The following ANKRD28 variants were observed in gnomAD, a reference collection of about 807,000 sequenced individuals.
The protein encoded by ANKRD28 is ankyrin repeat domain 28, also known as serine/threonine-protein phosphatase 6 regulatory ankyrin repeat subunit A.
Under a neutral mutation model 126.5 loss-of-function variants are expected in ANKRD28, and 44 were observed. The observed-to-expected ratio is 0.35, with a 90% CI of 0.27 to 0.45. The LOEUF (loss-of-function observed/expected upper bound fraction) is 0.45. Ranked by LOEUF, ANKRD28 falls within the 20% of genes least tolerant of loss-of-function variation. The pLI is 1.00. For synonymous variants in ANKRD28, 442 were observed against 468.5 expected (o/e 0.94, Z 0.73); for missense variants, 1,110 against 1,316.6 (o/e 0.84, Z 2.43).
Position 15,846,745 on chromosome 3 carries a change from G to A in ANKRD28, c.27+12632C>T, listed in dbSNP as rs1406200680. ...ATGATCAGCTGGGTGTGCCTGAGGA[G>A]GCTGGAGACAACCCAGGCTGAAAGA... is the stretch of plus-strand genomic sequence containing the variant. On this transcript the variant is annotated intron_variant, in intron 1 of 27. Transcript: ENST00000399451. The surrounding 1 kb of genome is among the most constrained non-coding windows in gnomAD (Gnocchi z 5.4). Among the ~76,000 whole-genome samples the A allele has an allele frequency of 6.6e-6, 1 of 152,198 alleles. No homozygotes were observed. Among genetic ancestry groups the A allele is most frequent in the East Asian group, 1.9e-4 (1 of 5,202 alleles).
At chr3:15,753,253 A>G (rs192071032) in intron 3 of ANKRD28, among the ~76,000 whole-genome samples, 6 of 152,366 alleles carry the variant, frequency 3.9e-5, no homozygotes, top group African/African-American at 1.4e-4. Context: ...GTGGAACCCT[A>G]GATGGTTAAA....
At chr3:15,758,758 T>A (rs957266114) in intron 3 of ANKRD28, among the ~76,000 whole-genome samples, 1 of 152,112 alleles carries the variant, frequency 6.6e-6, no homozygotes, top group Non-Finnish European at 1.5e-5. Context: ...AGCCGCCCAG[T>A]TTGTAGTACT....
At chr3:15,784,911 T>C (rs538670432) in intron 2 of ANKRD28, among the ~76,000 whole-genome samples, 1 of 152,150 alleles carries the variant, frequency 6.6e-6, no homozygotes, top group South Asian at 2.1e-4. Flanking sequence ...ATATAACTAT[T>C]TTGGAACTCT....
intron 2 of ANKRD28, among the ~76,000 whole-genome samples, chr3:15,779,642 G>T (rs1033803523): frequency 2.0e-5 from 3 of 152,146 alleles, no homozygotes; most frequent in Non-Finnish European, 4.4e-5. Flanking sequence ...TAACGGAGTT[G>T]ATTTAACTAC....
At chr3:15,710,047 T>TC (rs2072022776) in intron 12 of ANKRD28, among the ~76,000 whole-genome samples, 1 of 151,618 alleles carries the variant, frequency 6.6e-6, no homozygotes, top group South Asian at 2.1e-4. Flanking sequence ...TTTTTTTTTT[T>TC]TTCTTGAAAC....
chr3:15,691,313 C>T (rs191425621), intron 17 of ANKRD28, among the ~76,000 whole-genome samples: 8 of 152,018 alleles, frequency 5.3e-5, no homozygotes, highest in South Asian at 2.1e-4. Context: ...TTAGTAGAAA[C>T]GGGGTTTCAC....
chr3:15,751,851 T>C, intron 3 of ANKRD28, 31 bp from the exon 4 acceptor site: 2 of 1,370,034 alleles, frequency 1.5e-6, no homozygotes, highest in Non-Finnish European at 2.0e-6. Context: ...TAAATTGAAA[T>C]ATTGTACATA....
rs2060726409 is a variant in ANKRD28, at chr3:15,812,134, C to A, written c.28-16828G>T. Among the ~76,000 whole-genome samples, 1 of 151,534 alleles carries A rather than the reference C, an allele frequency of 6.6e-6. No individual in the cohort carries two copies. The highest frequency in any genetic ancestry group is 2.4e-5 in the African/African-American group (1 of 41,306). The stretch of plus-strand genomic sequence containing the variant: ...AGGCACTGCACTCCAGCCTGGGCAA[C>A]AGAGTGAGACTCTGGCAAACAAAAC... On this transcript the variant is annotated intron_variant, in intron 1 of 27. Coordinates refer to the ANKRD28 transcript ENST00000399451. This position sits in a 1 kb window ranked among gnomAD's most constrained non-coding sequence, Gnocchi z 4.1.
intron 1 of ANKRD28, among the ~76,000 whole-genome samples, chr3:15,826,741 T>C (rs1429392460): frequency 6.6e-6 from 1 of 152,170 alleles, no homozygotes; most frequent in Non-Finnish European, 1.5e-5. Context: ...GGTCTGAGTG[T>C]AGAAGATGAA....
intron 5 of ANKRD28, among the ~76,000 whole-genome samples, chr3:15,736,511 G>A (rs1221005295): frequency 6.6e-6 from 1 of 152,140 alleles, no homozygotes; most frequent in Non-Finnish European, 1.5e-5. Context: ...GGCTTCAAAG[G>A]TTCTTCTGTT....
chr3:15,786,788 T>C (rs1403685914), intron 2 of ANKRD28, among the ~76,000 whole-genome samples: 1 of 152,122 alleles, frequency 6.6e-6, no homozygotes, highest in Non-Finnish European at 1.5e-5. Flanking sequence ...GCATTACTTC[T>C]GAGTATGCAA....
Position 15,796,584 on chromosome 3 carries a change from G to A in ANKRD28, c.-63C>T. 1.6e-6 allele frequency: 2 copies of A among 1,216,624 alleles called. No individual in the cohort carries two copies. The highest frequency in any genetic ancestry group is 2.1e-6 in the Non-Finnish European group (2 of 947,660). The allele number at this position is 1,216,624 out of a possible 1,614,324, so 75.4% of individuals were successfully genotyped here. A position where few individuals can be genotyped will look rare whatever the true frequency, so the allele number is the denominator to read the frequency against. On this transcript the variant is annotated 5_prime_UTR_variant, in exon 1 of 28. Transcript: ENST00000683139. ...AAAAGTCACAGTTGGAAGAGCACAAGTAGTTTTTCCTCCTCTTCTGTACAA... is the reference window on the plus strand; with the variant it reads ...AAAAGTCACAGTTGGAAGAGCACAAATAGTTTTTCCTCCTCTTCTGTACAA...
intron 17 of ANKRD28, among the ~76,000 whole-genome samples, chr3:15,690,568 TTTTTG>T (rs2068654609): frequency 6.6e-6 from 1 of 152,166 alleles, no homozygotes; most frequent in Non-Finnish European, 1.5e-5. Flanking sequence ...GCCTGTGTTT[TTTTTG>T]TTTTGTTTTG....
At chr3:15,685,127 T>G in intron 21 of ANKRD28, 99 bp downstream of exon 21, 1 of 1,255,052 alleles carries the variant, frequency 8.0e-7, no homozygotes, top group Non-Finnish European at 1.1e-6. Flanking sequence ...ATTCCCAAGG[T>G]TTTTGCTAAT....
chr3:15,750,606 T>C (rs1228194983), intron 4 of ANKRD28, among the ~76,000 whole-genome samples: 1 of 152,226 alleles, frequency 6.6e-6, no homozygotes, highest in Non-Finnish European at 1.5e-5. Flanking sequence ...TTGCCTCTGT[T>C]AATTACAGGG....
rs1348784016 is a variant in ANKRD28 at position 15,833,554 on chromosome 3, A to G, written c.27+25823T>C. Among the ~76,000 whole-genome samples the G allele has an allele frequency of 8.0e-5, 12 of 149,438 alleles. No individual in the cohort carries two copies. In the South Asian group the frequency reaches 2.5e-3, roughly 31 times the overall value. ...TATATACATTATTTTTTATATATAT[A>G]ATGTGTGTGTGTATATATATATCTC... On this transcript the variant is annotated intron_variant, in intron 1 of 27. Coordinates refer to the ANKRD28 transcript ENST00000399451. This position sits in a 1 kb window ranked among gnomAD's most constrained non-coding sequence, Gnocchi z 4.4.
intron 2 of ANKRD28, among the ~76,000 whole-genome samples, chr3:15,776,903 A>G (rs776273279): frequency 1.1e-4 from 17 of 152,222 alleles, no homozygotes; most frequent in South Asian, 2.1e-4. Flanking sequence ...CTCTGAAATG[A>G]TATTTCCAGC....
At chr3:15,716,643 A>G (rs1347621790) in intron 8 of ANKRD28, among the ~76,000 whole-genome samples, 1 of 152,108 alleles carries the variant, frequency 6.6e-6, no homozygotes, top group Non-Finnish European at 1.5e-5. Flanking sequence ...TAAGAAGGAT[A>G]AGAAAAACAA....
At chr3:15,744,653 C>T (rs191154587) in intron 4 of ANKRD28, among the ~76,000 whole-genome samples, 7 of 152,072 alleles carry the variant, frequency 4.6e-5, no homozygotes, top group African/African-American at 9.7e-5. Flanking sequence ...TTGACTGATG[C>T]GTATTTGGGC....
Sources: allele counts gnomAD v4.1 joint callset (sites outside exome capture counted in the v4.1 genomes callset), GRCh38; gene constraint gnomAD v4.1.1; non-coding constraint Gnocchi (gnomAD v3.1); transcripts MANE v1.5; gene names NCBI Gene and HGNC (gene_info 2026-07-23, HGNC 2026-07-21).